The following GPC6 variants were observed in gnomAD, a reference collection of about 807,000 sequenced individuals.
GPC6 encodes glypican-6.
A neutral mutation model predicts 55.2 loss-of-function variants in GPC6; 14 were observed. The observed-to-expected ratio is 0.25, with a 90% CI of 0.17 to 0.40. The LOEUF (loss-of-function observed/expected upper bound fraction) is 0.40, where lower values mean the gene tolerates loss of function less well. Ranked by LOEUF, GPC6 falls within the 10% of genes least tolerant of loss-of-function variation. The probability of loss-of-function intolerance (pLI) is 1.00; values close to 1 mark genes in which losing one functional copy is unlikely to be tolerated. For synonymous variants in GPC6, 278 were observed against 259.6 expected (o/e 1.07, Z -0.68); for missense variants, 641 against 708.5 (o/e 0.90, Z 1.08).
intron 3 of GPC6, among the ~76,000 whole-genome samples, chr13:93,907,107 A>G (rs2140332141): frequency 6.6e-6 from 1 of 152,272 alleles, no homozygotes; most frequent in South Asian, 2.1e-4. Flanking sequence ...AAAAATCTAC[A>G]AGTTTCTTGT....
intron 4 of GPC6, among the ~76,000 whole-genome samples, chr13:94,140,936 C>T (rs61962334): frequency 0.17 from 26,386 of 151,184 alleles, 2,715 homozygotes; most frequent in Non-Finnish European, 0.23. Flanking sequence ...ATTTATATTA[C>T]GGTAATATAT....
At chr13:93,868,735 G>A (rs991239202) in intron 3 of GPC6, among the ~76,000 whole-genome samples, 15 of 151,760 alleles carry the variant, frequency 9.9e-5, no homozygotes, top group Non-Finnish European at 2.1e-4. Context: ...TTTGAGAGAC[G>A]AGCAGACACA....
intron 4 of GPC6, among the ~76,000 whole-genome samples, chr13:94,119,042 A>C (rs9524338): frequency 0.21 from 31,563 of 151,708 alleles, 4,051 homozygotes; most frequent in Non-Finnish European, 0.29. Flanking sequence ...GCATATATGT[A>C]TGTGTATATA....
intron 1 of GPC6, among the ~76,000 whole-genome samples, chr13:93,431,542 A>G (rs1248583871): frequency 6.6e-6 from 1 of 152,176 alleles, no homozygotes; most frequent in African/African-American, 2.4e-5. Context: ...CTAAATTCCT[A>G]TCAGTCAGGA....
At chr13:93,907,795 T>A (rs1876751577) in intron 3 of GPC6, among the ~76,000 whole-genome samples, 1 of 152,176 alleles carries the variant, frequency 6.6e-6, no homozygotes, top group Admixed American at 6.6e-5. Context: ...AACAATTTGC[T>A]GTTTAATCAT....
chr13:94,061,165 A>G (rs1884308752), intron 4 of GPC6, among the ~76,000 whole-genome samples: 4 of 152,212 alleles, frequency 2.6e-5, no homozygotes, highest in African/African-American at 9.6e-5. Flanking sequence ...TTGTTTTCAA[A>G]GATTGAACCA....
chr13:94,170,626 T>C (rs552467317), intron 4 of GPC6, among the ~76,000 whole-genome samples: 92 of 152,362 alleles, frequency 6.0e-4, no homozygotes, highest in Admixed American at 1.0e-3. Flanking sequence ...ATTAACTCTT[T>C]GCTATCCTCA....
intron 6 of GPC6, among the ~76,000 whole-genome samples, chr13:94,367,339 T>A (rs759399662): frequency 1.3e-5 from 2 of 152,236 alleles, no homozygotes; most frequent in Non-Finnish European, 2.9e-5. Context: ...CTTGTGTTTT[T>A]CTTTTCACTA....
At chr13:94,060,402 G>A (rs1884278664) in intron 4 of GPC6, among the ~76,000 whole-genome samples, 1 of 152,092 alleles carries the variant, frequency 6.6e-6, no homozygotes, top group Non-Finnish European at 1.5e-5. Context: ...GTGACTGGCA[G>A]GCACATAGTA....
intron 1 of GPC6, among the ~76,000 whole-genome samples, chr13:93,283,707 T>C (rs1878024882): frequency 6.6e-6 from 1 of 152,180 alleles, no homozygotes; most frequent in Non-Finnish European, 1.5e-5. Context: ...TTGTGAATAA[T>C]CCCAAACTGC....
intron 4 of GPC6, among the ~76,000 whole-genome samples, chr13:94,030,770 A>G (rs1217722480): frequency 6.6e-6 from 1 of 152,094 alleles, no homozygotes; most frequent in Non-Finnish European, 1.5e-5. Flanking sequence ...TTCTTTAATT[A>G]TAATGTGCCT....
chr13:93,885,482 G>GA (rs1315343268), intron 3 of GPC6, among the ~76,000 whole-genome samples: 1 of 150,412 alleles, frequency 6.6e-6, no homozygotes, highest in Non-Finnish European at 1.5e-5. Context: ...GGAAGCAGGA[G>GA]AAAAAAAGAA....
intron 1 of GPC6, among the ~76,000 whole-genome samples, chr13:93,438,916 C>A (rs1877673628): frequency 6.6e-6 from 1 of 152,088 alleles, no homozygotes; most frequent in Non-Finnish European, 1.5e-5. Flanking sequence ...GAAGTTGCCA[C>A]AGCCACCTCA....
intron 4 of GPC6, among the ~76,000 whole-genome samples, chr13:94,145,575 G>A (rs1191236115): frequency 1.3e-5 from 2 of 151,976 alleles, no homozygotes; most frequent in Admixed American, 6.6e-5. Context: ...AAAAATGGTA[G>A]CATGAGAAGT....
intron 3 of GPC6, among the ~76,000 whole-genome samples, chr13:93,872,673 C>A (rs1412644700): frequency 1.3e-5 from 2 of 151,894 alleles, no homozygotes; most frequent in Non-Finnish European, 2.9e-5. Context: ...TCTGGGCCCA[C>A]CCATGTGATC....
intron 4 of GPC6, among the ~76,000 whole-genome samples, chr13:94,131,357 T>C (rs1457215777): frequency 6.6e-6 from 1 of 152,162 alleles, no homozygotes; most frequent in East Asian, 1.9e-4. Flanking sequence ...ATTCTGTGCC[T>C]GTGATAGTTA....
At position 93,432,293 on chromosome 13, in the gene GPC6, ACT is replaced by A. The variant is rs539757658; in HGVS notation, c.161-112962_161-112961del. ...ACAGTGATGAACAGATCCATGTATG[ACT>A]CTCTCTCCGGCCAACTCTTTGGTGA... On this transcript the variant is annotated intron_variant, in intron 1 of 8. Coordinates refer to ENST00000377047, the MANE Select transcript of GPC6 (RefSeq NM_005708.5). Among the ~76,000 whole-genome samples, 62 of 152,100 alleles carry A rather than the reference ACT, an allele frequency of 4.1e-4. No homozygotes were observed. The South Asian group carries it at 0.013, about 31-fold the overall frequency.
At chr13:94,291,084 T>C (rs927502797) in intron 5 of GPC6, among the ~76,000 whole-genome samples, 5 of 151,840 alleles carry the variant, frequency 3.3e-5, no homozygotes, top group African/African-American at 9.7e-5. Context: ...TCCCAGCTAC[T>C]CAGGAGGCTG....
chr13:94,027,035 A>G (rs1882924345), intron 3 of GPC6, among the ~76,000 whole-genome samples: 1 of 152,202 alleles, frequency 6.6e-6, no homozygotes, highest in African/African-American at 2.4e-5. Flanking sequence ...TGAGTCTTAA[A>G]AAGCCCTTAT....
Sources: allele counts gnomAD v4.1 joint callset (sites outside exome capture counted in the v4.1 genomes callset), GRCh38; gene constraint gnomAD v4.1.1; transcripts MANE v1.5; gene names NCBI Gene and HGNC (gene_info 2026-07-23, HGNC 2026-07-21).